Variants in TFEC observed in about 807,000 individuals in gnomAD.
TFEC encodes the protein class E basic helix-loop-helix protein 34.
In TFEC, 31 loss-of-function variants were observed where a neutral mutation model predicts 41.6. The observed-to-expected ratio is 0.74, with a 90% CI of 0.56 to 1.01. The LOEUF (loss-of-function observed/expected upper bound fraction) is 1.01, where lower values mean the gene tolerates loss of function less well. TFEC is among the 50% of genes least tolerant of loss of function. TFEC has a pLI of 0.00. For synonymous variants in TFEC, 143 were observed against 140.6 expected (o/e 1.02, Z -0.12); for missense variants, 402 against 404.1 (o/e 0.99, Z 0.04).
chr7:116,098,792 T>C (rs1399877874), intron 3 of TFEC, among the ~76,000 whole-genome samples: 3 of 149,552 alleles, frequency 2.0e-5, no homozygotes, highest in African/African-American at 7.4e-5. Flanking sequence ...TGTTATGAGA[T>C]CAGCATCACC....
chr7:116,076,367 T>C (rs1796960288), intron 3 of TFEC, among the ~76,000 whole-genome samples: 1 of 152,094 alleles, frequency 6.6e-6, no homozygotes, highest in Non-Finnish European at 1.5e-5. Context: ...GACATGTTTC[T>C]TTAACACCCC....
intron 3 of TFEC, among the ~76,000 whole-genome samples, chr7:116,062,759 A>T (rs1050450438): frequency 2.0e-5 from 3 of 152,076 alleles, no homozygotes; most frequent in Admixed American, 6.6e-5. Flanking sequence ...GCTGGATCAA[A>T]TGATAAATGT....
intron 1 of TFEC, among the ~76,000 whole-genome samples, chr7:116,133,261 A>G (rs1798369635): frequency 1.3e-5 from 2 of 151,684 alleles, no homozygotes; most frequent in Admixed American, 6.6e-5. Flanking sequence ...CTTAATTAGA[A>G]AAGTCTGGCC....
chr7:115,992,608 A>C (rs946557875), intron 1 of TFEC, among the ~76,000 whole-genome samples: 1 of 152,238 alleles, frequency 6.6e-6, no homozygotes, highest in African/African-American at 2.4e-5. Context: ...ATCTAGAAGA[A>C]ATGGATAAAT....
At chr7:116,053,722 T>C (rs1250011865) in intron 3 of TFEC, among the ~76,000 whole-genome samples, 1 of 152,222 alleles carries the variant, frequency 6.6e-6, no homozygotes, top group African/African-American at 2.4e-5. Context: ...CTGTGCCATC[T>C]CTGGACTCTC....
chr7:115,966,326 T>C (rs994641777), intron 3 of TFEC, among the ~76,000 whole-genome samples: 1 of 151,636 alleles, frequency 6.6e-6, no homozygotes, highest in African/African-American at 2.4e-5. Flanking sequence ...GGGGGAAGAA[T>C]GTTACTGCAA....
intron 1 of TFEC, among the ~76,000 whole-genome samples, chr7:116,150,867 A>C (rs1415032160): frequency 6.6e-6 from 1 of 152,166 alleles, no homozygotes; most frequent in Non-Finnish European, 1.5e-5. Flanking sequence ...ATATTAAAAT[A>C]ATGCCTTCCT....
rs766222416 is a variant in TFEC, at chr7:115,974,226, T to C, written c.211A>G (p.Met71Val). 3.1e-6 allele frequency: 5 copies of C among 1,594,708 alleles called. No individual in the cohort carries two copies. The highest frequency in any genetic ancestry group is 2.3e-5 in the East Asian group (1 of 43,708). Residue 71 changes from methionine (M) to valine (V), a missense_variant, in exon 3 of 8, where the codon ATG becomes GTG. By Grantham distance (21) the Met-to-Val change is conservative (BLOSUM62 1). Coordinates refer to ENST00000265440, the MANE Select transcript of TFEC (RefSeq NM_012252.4). The part of the protein sequence containing the change: ...MEDVIEDIIG[M>V]ESSFKEEGAD... Reference sequence around the variant, plus strand: ...CCTTCCTCTTTAAAACTTGATTCCATACCGATTATATCCTCAATAACGTCC... The same window carrying C: ...CCTTCCTCTTTAAAACTTGATTCCACACCGATTATATCCTCAATAACGTCC...
At chr7:116,128,686 T>C (rs1798265921) in intron 1 of TFEC, among the ~76,000 whole-genome samples, 1 of 152,158 alleles carries the variant, frequency 6.6e-6, no homozygotes, top group Non-Finnish European at 1.5e-5. Flanking sequence ...TGAAACTGTT[T>C]TAGATATTTG....
At chr7:115,996,607 G>T (rs941479130) in intron 1 of TFEC, among the ~76,000 whole-genome samples, 45 of 151,992 alleles carry the variant, frequency 3.0e-4, no homozygotes, top group African/African-American at 1.0e-3. Context: ...GCCACACTGG[G>T]GTAGAGCACC....
chr7:116,004,308 T>G (rs1489254412), intron 1 of TFEC, among the ~76,000 whole-genome samples: 1 of 152,142 alleles, frequency 6.6e-6, no homozygotes. Flanking sequence ...TCTATACAGA[T>G]CCTATGAACA....
At chr7:116,049,223 A>G (rs1405800489) in intron 3 of TFEC, among the ~76,000 whole-genome samples, 1 of 152,202 alleles carries the variant, frequency 6.6e-6, no homozygotes, top group Admixed American at 6.5e-5. Context: ...AGTGTGCTGT[A>G]TTCAGGAGAC....
intron 3 of TFEC, among the ~76,000 whole-genome samples, chr7:116,042,693 A>G (rs756489339): frequency 1.3e-5 from 2 of 152,196 alleles, no homozygotes; most frequent in Non-Finnish European, 1.5e-5. Flanking sequence ...AACAGTATGC[A>G]GGACTGATTC....
At chr7:115,967,099 T>C (rs374117693) in intron 3 of TFEC, among the ~76,000 whole-genome samples, 2 of 151,772 alleles carry the variant, frequency 1.3e-5, no homozygotes, top group East Asian at 1.9e-4. Context: ...CATATACATA[T>C]ATATAATGTC....
At chr7:116,073,037 G>A (rs1796867576) in intron 3 of TFEC, among the ~76,000 whole-genome samples, 2 of 151,436 alleles carry the variant, frequency 1.3e-5, no homozygotes, top group South Asian at 4.2e-4. Context: ...GACTGCAAAT[G>A]AAGAAATATA....
chr7:116,068,049 C>T (rs1469475618), intron 3 of TFEC, among the ~76,000 whole-genome samples: 2 of 151,678 alleles, frequency 1.3e-5, no homozygotes, highest in Admixed American at 6.6e-5. Context: ...AAATATCGAC[C>T]ATTTGGGAAT....
At chr7:115,944,808 C>T (rs996240162) in intron 6 of TFEC, among the ~76,000 whole-genome samples, 10 of 151,230 alleles carry the variant, frequency 6.6e-5, no homozygotes, top group African/African-American at 1.5e-4. Context: ...ATAAGAAATA[C>T]GCTTTATATA....
At chr7:116,062,597 A>ATATATATC (rs1796594215) in intron 3 of TFEC, among the ~76,000 whole-genome samples, 1 of 119,822 alleles carries the variant, frequency 8.3e-6, no homozygotes, top group African/African-American at 3.4e-5. Flanking sequence ...ATATATATAT[A>ATATATATC]TATCACATTT....
At chr7:116,018,402 T>G (rs1795272783) in intron 1 of TFEC, among the ~76,000 whole-genome samples, 1 of 152,206 alleles carries the variant, frequency 6.6e-6, no homozygotes, top group African/African-American at 2.4e-5. Context: ...TATGTGAGTG[T>G]GTGTGTTTAT....
Sources: gnomAD v4.1 joint callset for allele counts (sites outside exome capture counted in the v4.1 genomes callset) on GRCh38, gnomAD v4.1.1 for gene constraint, MANE v1.5 for transcripts, NCBI Gene and HGNC (gene_info 2026-07-23, HGNC 2026-07-21) for gene names.